The following ABCA12 variants were observed in gnomAD, a reference collection of about 807,000 sequenced individuals.
ABCA12 encodes the protein glucosylceramide transporter ABCA12.
Under a neutral mutation model 293.5 loss-of-function variants are expected in ABCA12, and 156 were observed. The ratio of observed to expected loss-of-function variants is 0.53; its 90% CI spans 0.47 to 0.61. ABCA12 has a LOEUF of 0.61. Among genes scored for constraint, ABCA12 ranks in the 20% least tolerant of loss-of-function variants. ABCA12 has a pLI of 0.00. For synonymous variants in ABCA12, 1,063 were observed against 1,108.0 expected, an observed-to-expected ratio of 0.96 and a Z score of 0.81; for missense variants, 2,797 against 3,090.2, an observed-to-expected ratio of 0.91 and a Z score of 2.25.
chr2:214,937,415 T>A, intron 51 of ABCA12, 95 bp downstream of exon 51: 2 of 955,250 alleles, frequency 2.1e-6, no homozygotes, highest in Non-Finnish European at 3.3e-6. Context: ...GCCAGGCTGG[T>A]CTTAACCTCC....
At chr2:215,035,276 T>G (rs989641337) in intron 8 of ABCA12, among the ~76,000 whole-genome samples, 1 of 152,174 alleles carries the variant, frequency 6.6e-6, no homozygotes, top group Admixed American at 6.5e-5. Flanking sequence ...TGCAGGAAAT[T>G]TAAAAAGAAA....
chr2:214,956,562 C>T (rs1034318580), intron 42 of ABCA12, 101 bp downstream of exon 42: 13 of 859,682 alleles, frequency 1.5e-5, no homozygotes, highest in Non-Finnish European at 2.5e-5. Context: ...AAATGAAACC[C>T]CAAGACAATT....
chr2:215,103,311 C>T (rs555953467), intron 2 of ABCA12, among the ~76,000 whole-genome samples: 3 of 141,622 alleles, frequency 2.1e-5, no homozygotes, highest in Non-Finnish European at 4.5e-5. Context: ...CTCTTGTTGC[C>T]CAGCTGGAGT....
At chr2:214,941,490 G>C (rs1698400000) in intron 50 of ABCA12, among the ~76,000 whole-genome samples, 1 of 152,118 alleles carries the variant, frequency 6.6e-6, no homozygotes, top group Non-Finnish European at 1.5e-5. Context: ...CTGAATTCAA[G>C]TCCTGAATAT....
chr2:214,942,834 C>T (rs1270501829), intron 50 of ABCA12, 91 bp downstream of exon 50: 17 of 1,114,190 alleles, frequency 1.5e-5, no homozygotes, highest in Non-Finnish European at 2.1e-5. Flanking sequence ...AGTTTTACTA[C>T]TTAGGCTGCT....
At chr2:214,970,780 A>G (rs1699368918) in intron 36 of ABCA12, among the ~76,000 whole-genome samples, 1 of 152,192 alleles carries the variant, frequency 6.6e-6, no homozygotes, top group African/African-American at 2.4e-5. Context: ...TATTTGCCAC[A>G]AATTGAAAAT....
intron 2 of ABCA12, among the ~76,000 whole-genome samples, chr2:215,065,679 T>C (rs1430104917): frequency 1.3e-5 from 2 of 151,954 alleles, no homozygotes. Flanking sequence ...GAAGACAGCT[T>C]TTCTTCCAGA....
chr2:215,078,028 C>T (rs765882011), intron 2 of ABCA12, among the ~76,000 whole-genome samples: 66 of 152,288 alleles, frequency 4.3e-4, no homozygotes, highest in South Asian at 1.2e-3. Context: ...AACGATACCA[C>T]GTTTGCTGCC....
chr2:215,013,546 T>G (rs1037517573), intron 15 of ABCA12: 2 of 154,364 alleles, frequency 1.3e-5, no homozygotes, highest in African/African-American at 2.4e-5. Context: ...TTTTCTATTT[T>G]CTATTGCAGT....
At chr2:215,119,926 G>T (rs61559568) in intron 1 of ABCA12, among the ~76,000 whole-genome samples, 35 of 152,088 alleles carry the variant, frequency 2.3e-4, no homozygotes, top group African/African-American at 8.0e-4. Flanking sequence ...TTTACTGGGC[G>T]TATAACCAGA....
At chr2:215,034,604 T>A (rs1700952198) in intron 8 of ABCA12, among the ~76,000 whole-genome samples, 1 of 152,052 alleles carries the variant, frequency 6.6e-6, no homozygotes, top group Admixed American at 6.5e-5. Flanking sequence ...TTAAGTGAGG[T>A]TGTTCATAAA....
chr2:214,950,362 ATATGTGTGTGTATATATATATCTGTGTG>A (rs1698717890), intron 45 of ABCA12, among the ~76,000 whole-genome samples: 1 of 104,314 alleles, frequency 9.6e-6, no homozygotes, highest in Admixed American at 1.2e-4. Context: ...GTATATATAT[ATATGTGTGTGTATATATATATCTGTGTG>A]TGTGTGTGTG....
intron 45 of ABCA12, 127 bp from the exon 46 acceptor site, chr2:214,949,276 A>G (rs189715098): frequency 1.6e-5 from 12 of 745,608 alleles, no homozygotes; most frequent in Non-Finnish European, 2.6e-5. Context: ...GGAATTATTC[A>G]TGGATAGTGT....
rs538806938 is a variant in ABCA12 at position 215,009,999 on chromosome 2, A to T, written c.2472+332T>A. ...CAATATTACTTTTTCTAGTACAATA[A>T]TTTTTACATACTTTGAAAGTTAGAC... is the stretch of plus-strand genomic sequence containing the variant. On this transcript the variant is annotated intron_variant, in intron 18 of 52. Coordinates refer to ENST00000272895, the MANE Select transcript of ABCA12 (RefSeq NM_173076.3). Among the ~76,000 whole-genome samples, 10 of 152,278 alleles carry T rather than the reference A, an allele frequency of 6.6e-5. No homozygotes were observed. In the South Asian group the frequency reaches 1.9e-3, roughly 28 times the overall value.
At chr2:214,969,237 A>G (rs572615726) in intron 37 of ABCA12, among the ~76,000 whole-genome samples, 1 of 152,004 alleles carries the variant, frequency 6.6e-6, no homozygotes, top group African/African-American at 2.4e-5. Flanking sequence ...ATTTTCCCCT[A>G]TATTGTCCCC....
intron 38 of ABCA12, 81 bp from the exon 39 acceptor site, chr2:214,967,034 T>G: frequency 9.2e-7 from 1 of 1,085,628 alleles, no homozygotes. Flanking sequence ...GCTATCTTAT[T>G]TATATTTAAA....
intron 33 of ABCA12, 25 bp downstream of exon 33, chr2:214,978,291 C>G: frequency 6.2e-7 from 1 of 1,613,554 alleles, no homozygotes; most frequent in Non-Finnish European, 8.5e-7. Flanking sequence ...TGGAATTAAA[C>G]AAAATATCCA....
At chr2:215,127,657 AC>A (rs1702956845) in intron 1 of ABCA12, among the ~76,000 whole-genome samples, 1 of 151,754 alleles carries the variant, frequency 6.6e-6, no homozygotes. Context: ...GCCTTTTTCC[AC>A]CCCTTTACTT....
intron 42 of ABCA12, among the ~76,000 whole-genome samples, 193 bp from the exon 43 acceptor site, chr2:214,955,554 G>A (rs761199793): frequency 2.0e-4 from 30 of 152,118 alleles, no homozygotes; most frequent in Admixed American, 3.9e-4. Context: ...GCGGTGGCAC[G>A]CACCTGTAGC....
Sources: allele counts gnomAD v4.1 joint callset (sites outside exome capture counted in the v4.1 genomes callset), GRCh38; gene constraint gnomAD v4.1.1; transcripts MANE v1.5; gene names NCBI Gene and HGNC (gene_info 2026-07-23, HGNC 2026-07-21).